The following PRR16 variants were observed in gnomAD, a reference collection of about 807,000 sequenced individuals.
PRR16 encodes protein Largen.
Under a neutral mutation model 18.2 loss-of-function variants are expected in PRR16, and 6 were observed. That is an observed-to-expected ratio of 0.33 (90% CI 0.18 to 0.65). PRR16 has a LOEUF of 0.65. Ranked by LOEUF, PRR16 falls within the 30% of genes least tolerant of loss-of-function variation. PRR16 has a pLI of 0.74. For synonymous variants in PRR16, 151 were observed against 147.8 expected, an observed-to-expected ratio of 1.02 and a Z score of -0.16; for missense variants, 412 against 376.6, an observed-to-expected ratio of 1.09 and a Z score of -0.78.
intron 1 of PRR16, among the ~76,000 whole-genome samples, chr5:120,546,727 T>C (rs1299111837): frequency 6.6e-6 from 1 of 151,996 alleles, no homozygotes; most frequent in Non-Finnish European, 1.5e-5. Context: ...GTCATCTCAA[T>C]GGAAGTGATG....
At chr5:120,766,103 AT>A in the PRR16 span, among the ~76,000 whole-genome samples, 1 of 152,032 alleles carries the variant, frequency 6.6e-6, no homozygotes, top group Non-Finnish European at 1.5e-5. Flanking sequence ...AAAGCTATCT[AT>A]CTAGGTATTA....
intron 1 of PRR16, among the ~76,000 whole-genome samples, chr5:120,652,548 C>G (rs1755828056): frequency 6.6e-6 from 1 of 152,016 alleles, no homozygotes; most frequent in Admixed American, 6.6e-5. Context: ...CGTTTTCCCT[C>G]TGTGGTCTTC....
intron 1 of PRR16, among the ~76,000 whole-genome samples, chr5:120,526,329 C>T (rs1192313563): frequency 6.6e-6 from 1 of 152,130 alleles, no homozygotes; most frequent in African/African-American, 2.4e-5. Context: ...GTTGTCATTC[C>T]TAAATCTATT....
chr5:120,487,329 G>A (rs1287066393), intron 1 of PRR16, among the ~76,000 whole-genome samples: 1 of 152,142 alleles, frequency 6.6e-6, no homozygotes, highest in Non-Finnish European at 1.5e-5. Context: ...TCATTGAGCA[G>A]TGGTTTGTAG....
intron 1 of PRR16, among the ~76,000 whole-genome samples, chr5:120,472,992 AT>A (rs1391519207): frequency 1.3e-5 from 2 of 151,952 alleles, no homozygotes; most frequent in East Asian, 3.9e-4. Flanking sequence ...TATTTGTTTT[AT>A]TTTTTTCTTA....
At chr5:120,603,615 G>A (rs771863003) in intron 1 of PRR16, among the ~76,000 whole-genome samples, 22 of 151,720 alleles carry the variant, frequency 1.5e-4, no homozygotes, top group Non-Finnish European at 2.8e-4. Context: ...GGGTTGGTTT[G>A]CTCTTGTTTT....
intron 1 of PRR16, among the ~76,000 whole-genome samples, chr5:120,582,750 T>C (rs1243506440): frequency 2.0e-5 from 3 of 149,834 alleles, no homozygotes; most frequent in Non-Finnish European, 4.4e-5. Context: ...TATTTTCAAA[T>C]AGTCTGTCAA....
intron 1 of PRR16, among the ~76,000 whole-genome samples, chr5:120,675,798 A>G (rs1395752248): frequency 1.3e-5 from 2 of 152,184 alleles, no homozygotes; most frequent in Admixed American, 6.5e-5. Flanking sequence ...ACAGAAAAAT[A>G]AGACAAACTG....
chr5:120,695,953 A>G, the PRR16 span, among the ~76,000 whole-genome samples: 1 of 152,072 alleles, frequency 6.6e-6, no homozygotes, highest in African/African-American at 2.4e-5. Flanking sequence ...ATATATATAT[A>G]TAAAACCGGC....
chr5:120,665,337 C>A (rs1199036134), intron 1 of PRR16, among the ~76,000 whole-genome samples: 161 of 151,692 alleles, frequency 1.1e-3, no homozygotes, highest in African/African-American at 2.8e-3. Flanking sequence ...GTTTGAGTTC[C>A]TTGTAGATTC....
chr5:120,755,634 G>A, the PRR16 span, among the ~76,000 whole-genome samples: 4 of 152,018 alleles, frequency 2.6e-5, no homozygotes, highest in South Asian at 2.1e-4. Context: ...GTCCACTGTC[G>A]AGGACCACCT....
At chr5:120,484,490 TATATA>T (rs1437203101) in intron 1 of PRR16, among the ~76,000 whole-genome samples, 1 of 145,098 alleles carries the variant, frequency 6.9e-6, no homozygotes, top group African/African-American at 2.5e-5. Flanking sequence ...TTAGATATGA[TATATA>T]ATATATAATT....
the PRR16 span, among the ~76,000 whole-genome samples, chr5:120,746,590 A>G: frequency 1.0e-3 from 156 of 152,280 alleles, no homozygotes; most frequent in Non-Finnish European, 1.8e-3. Context: ...GTAGTCTGCA[A>G]CCTTCACTGT....
chr5:120,637,708 G>T (rs1250787374), intron 1 of PRR16, among the ~76,000 whole-genome samples: 1 of 152,074 alleles, frequency 6.6e-6, no homozygotes, highest in Non-Finnish European at 1.5e-5. Context: ...ACACTGCTCG[G>T]GTGATGGGTA....
chr5:120,722,187 C>A, the PRR16 span, among the ~76,000 whole-genome samples: 5 of 151,924 alleles, frequency 3.3e-5, no homozygotes, highest in South Asian at 4.1e-4. Context: ...CATGTCCCTG[C>A]AAAGGATATG....
intron 1 of PRR16, among the ~76,000 whole-genome samples, chr5:120,645,264 G>C (rs7722755): frequency 0.98 from 149,489 of 151,890 alleles, 73,597 homozygotes; most frequent in East Asian, 1. Flanking sequence ...GAAACATATT[G>C]TAATGGAGCT....
chr5:120,629,380 G>A (rs1189042716), intron 1 of PRR16, among the ~76,000 whole-genome samples: 1 of 151,980 alleles, frequency 6.6e-6, no homozygotes, highest in African/African-American at 2.4e-5. Context: ...ATTTTGACAT[G>A]ATTTCTGCAA....
At chr5:120,669,083 G>A (rs1756499000) in intron 1 of PRR16, among the ~76,000 whole-genome samples, 1 of 152,118 alleles carries the variant, frequency 6.6e-6, no homozygotes, top group Non-Finnish European at 1.5e-5. Context: ...ATAACTCTGT[G>A]GTGACTGCGT....
intron 1 of PRR16, among the ~76,000 whole-genome samples, chr5:120,501,059 A>G (rs1275585696): frequency 6.6e-6 from 1 of 152,172 alleles, no homozygotes. Flanking sequence ...TTTCTCCTAA[A>G]GAATTCAGGG....
Sources: gnomAD v4.1 joint callset for allele counts (sites outside exome capture counted in the v4.1 genomes callset) on GRCh38, gnomAD v4.1.1 for gene constraint, MANE v1.5 for transcripts, NCBI Gene and HGNC (gene_info 2026-07-23, HGNC 2026-07-21) for gene names.